The following TFDP2 variants were observed in gnomAD, a reference collection of about 807,000 sequenced individuals.
TFDP2 encodes the protein transcription factor Dp-2, also known as transcription factor Dp-2 (E2F dimerization partner 2).
TFDP2 carries 17 observed loss-of-function variants against 59.3 expected under a neutral mutation model. That is an observed-to-expected ratio of 0.29 (90% CI 0.20 to 0.43). TFDP2 has a LOEUF of 0.43. TFDP2 is among the 20% of genes least tolerant of loss of function. The probability of loss-of-function intolerance (pLI) is 1.00; values close to 1 mark genes in which losing one functional copy is unlikely to be tolerated. For missense variants in TFDP2, 391 were observed against 528.8 expected, an observed-to-expected ratio of 0.74 and a Z score of 2.56; for synonymous variants, 180 against 194.7, an observed-to-expected ratio of 0.92 and a Z score of 0.63.
At chr3:142,082,974 A>G (rs1362226008) in intron 3 of TFDP2, among the ~76,000 whole-genome samples, 1 of 152,050 alleles carries the variant, frequency 6.6e-6, no homozygotes, top group African/African-American at 2.4e-5. Flanking sequence ...AAGGAAGCCT[A>G]CTTTCAACAC....
chr3:142,094,201 C>T (rs1312100859), intron 2 of TFDP2, among the ~76,000 whole-genome samples: 1 of 151,840 alleles, frequency 6.6e-6, no homozygotes, highest in African/African-American at 2.4e-5. Context: ...CTATCAAATA[C>T]TTTTTGTAAG....
intron 1 of TFDP2, among the ~76,000 whole-genome samples, chr3:142,128,194 T>G (rs2062344448): frequency 6.6e-6 from 1 of 152,140 alleles, no homozygotes; most frequent in African/African-American, 2.4e-5. Flanking sequence ...AGCAACACCC[T>G]GTCTCAAAAA....
intron 3 of TFDP2, chr3:142,044,240 T>TTTG: frequency 4.1e-6 from 1 of 243,502 alleles, no homozygotes; most frequent in Non-Finnish European, 7.8e-6. Context: ...TTTTTTTTTT[T>TTTG]TTTTTTTTTT....
At chr3:142,041,623 A>C (rs866349803) in intron 3 of TFDP2, among the ~76,000 whole-genome samples, 2 of 152,182 alleles carry the variant, frequency 1.3e-5, no homozygotes, top group Non-Finnish European at 2.9e-5. Flanking sequence ...ACCAAATCTC[A>C]GGTATTTCTT....
intron 1 of TFDP2, among the ~76,000 whole-genome samples, chr3:142,128,146 A>G (rs2062341614): frequency 6.6e-6 from 1 of 152,160 alleles, no homozygotes; most frequent in Admixed American, 6.6e-5. Flanking sequence ...TTGAGGTTAC[A>G]AGCTATAATC....
chr3:142,065,490 C>CTGTGTGTG (rs578129854), intron 3 of TFDP2, among the ~76,000 whole-genome samples: 1 of 148,280 alleles, frequency 6.7e-6, no homozygotes, highest in Non-Finnish European at 1.5e-5. Flanking sequence ...ACCATTCACT[C>CTGTGTGTG]TGTGTGTGTG....
intron 7 of TFDP2, among the ~76,000 whole-genome samples, chr3:141,975,706 A>G (rs1940538189): frequency 6.6e-6 from 1 of 151,584 alleles, no homozygotes; most frequent in Non-Finnish European, 1.5e-5. Flanking sequence ...AAAAAAAAAA[A>G]AAAAGAAATC....
chr3:141,974,394 T>G (rs918676879), intron 7 of TFDP2, among the ~76,000 whole-genome samples: 4 of 151,956 alleles, frequency 2.6e-5, no homozygotes, highest in African/African-American at 7.3e-5. Flanking sequence ...AAAAATACTT[T>G]CAAACAATAT....
At chr3:142,140,803 T>A (rs62282062) in intron 1 of TFDP2, among the ~76,000 whole-genome samples, 28,074 of 152,152 alleles carry the variant, frequency 0.18, 2,869 homozygotes, top group African/African-American at 0.25. Flanking sequence ...TGTCGCCCCC[T>A]ACTGGGAGGT....
chr3:141,960,221 G>A (rs1937190058), intron 10 of TFDP2, among the ~76,000 whole-genome samples: 1 of 152,240 alleles, frequency 6.6e-6, no homozygotes, highest in African/African-American at 2.4e-5. Flanking sequence ...TGTTAGCTTT[G>A]AGGAAAAAAA....
intron 1 of TFDP2, among the ~76,000 whole-genome samples, chr3:142,126,969 A>C (rs1331560818): frequency 6.7e-6 from 1 of 150,290 alleles, no homozygotes; most frequent in Admixed American, 6.7e-5. Context: ...AAAAAATTAC[A>C]GTAAAATGAT....
chr3:142,028,466 A>C, intron 3 of TFDP2: 1 of 690,372 alleles, frequency 1.4e-6, no homozygotes, highest in Non-Finnish European at 1.7e-6. Context: ...GGACGTCTTG[A>C]AATCAGCGTG....
intron 1 of TFDP2, among the ~76,000 whole-genome samples, chr3:142,131,305 C>T (rs2062494638): frequency 6.7e-6 from 1 of 149,882 alleles, no homozygotes; most frequent in South Asian, 2.1e-4. Context: ...AATTTATAAA[C>T]ATATAAAGCA....
intron 3 of TFDP2, among the ~76,000 whole-genome samples, chr3:142,023,657 G>A (rs908351649): frequency 2.6e-5 from 4 of 152,146 alleles, no homozygotes; most frequent in African/African-American, 9.7e-5. Context: ...ACTGCAGTAA[G>A]TTATTGATAT....
intron 3 of TFDP2, among the ~76,000 whole-genome samples, chr3:142,078,463 A>G (rs1376762027): frequency 6.6e-6 from 1 of 152,198 alleles, no homozygotes; most frequent in Non-Finnish European, 1.5e-5. Context: ...TGGGAAAAAG[A>G]AAGGAAAGAT....
chr3:142,002,467 C>A (rs1283212589), intron 4 of TFDP2, among the ~76,000 whole-genome samples: 1 of 151,944 alleles, frequency 6.6e-6, no homozygotes, highest in Admixed American at 6.6e-5. Context: ...CCTTTTGCTA[C>A]TCTGTAACAA....
intron 2 of TFDP2, among the ~76,000 whole-genome samples, chr3:142,098,581 C>T (rs2061235218): frequency 6.6e-6 from 1 of 152,022 alleles, no homozygotes; most frequent in African/African-American, 2.4e-5. Context: ...GCAAGGTCAA[C>T]TCAAACTTCT....
At chr3:141,961,062 A>G (rs1305236216) in intron 10 of TFDP2, among the ~76,000 whole-genome samples, 4 of 152,160 alleles carry the variant, frequency 2.6e-5, no homozygotes, top group Non-Finnish European at 4.4e-5. Context: ...CCCTAGGCCA[A>G]TGATTCCCAG....
rs371720754 is a variant in TFDP2 at position 142,087,686 on chromosome 3, G to C, written c.82+5375C>G. Among the ~76,000 whole-genome samples, 4 of 151,978 alleles carry C rather than the reference G, an allele frequency of 2.6e-5. No homozygotes were observed. The East Asian group carries it at 7.8e-4, about 29-fold the overall frequency. On this transcript the variant is annotated intron_variant, in intron 3 of 12. Coordinates refer to ENST00000489671, the MANE Select transcript of TFDP2 (RefSeq NM_001178139.2). ...AGCTAATTTTTTTGTAATTTTTGTA[G>C]AGGTGGGGTTTTGCCATGTTGCCCA...
Sources: allele counts gnomAD v4.1 joint callset (sites outside exome capture counted in the v4.1 genomes callset), GRCh38; gene constraint gnomAD v4.1.1; transcripts MANE v1.5; gene names NCBI Gene and HGNC (gene_info 2026-07-23, HGNC 2026-07-21).